Variants in ATRNL1 observed in about 807,000 individuals in gnomAD.
ATRNL1 encodes the protein attractin like 1.
A neutral mutation model predicts 182.7 loss-of-function variants in ATRNL1; 95 were observed. The observed-to-expected ratio is 0.52, with a 90% CI of 0.44 to 0.62. The LOEUF (loss-of-function observed/expected upper bound fraction) is 0.62. Ranked by LOEUF, ATRNL1 falls within the 20% of genes least tolerant of loss-of-function variation. ATRNL1 has a pLI of 0.00. For missense variants in ATRNL1, 1,471 were observed against 1,679.5 expected, an observed-to-expected ratio of 0.88 and a Z score of 2.17; for synonymous variants, 576 against 568.3, an observed-to-expected ratio of 1.01 and a Z score of -0.19.
chr10:115,621,276 T>TAGAGAGAG lies in ATRNL1; in HGVS notation c.3795+71771_3795+71778dup, dbSNP rs1157745862. Among the ~76,000 whole-genome samples the TAGAGAGAG allele has an allele frequency of 3.8e-3, 181 of 47,522 alleles. 3 individuals carry two copies. The highest frequency in any genetic ancestry group is 0.01 in the South Asian group (10 of 960). 31.2% of individuals were successfully genotyped at this position (47,522 alleles called of 152,430 possible). A position where few individuals can be genotyped will look rare whatever the true frequency, so the allele number is the denominator to read the frequency against. ...CTGAATATATATATATATATATATA[T>TAGAGAGAG]AGAGAGAGAGAGAGAGAGAGAGAGA... On this transcript the variant is annotated intron_variant, in intron 26 of 28. Coordinates refer to ENST00000355044, the MANE Select transcript of ATRNL1 (RefSeq NM_207303.4).
chr10:115,465,619 AGG>A (rs1435391172), intron 22 of ATRNL1, among the ~76,000 whole-genome samples: 1 of 151,426 alleles, frequency 6.6e-6, no homozygotes, highest in Non-Finnish European at 1.5e-5. Flanking sequence ...GAAAATAAGA[AGG>A]AAGTTAACTT....
chr10:115,791,471 C>T lies in ATRNL1; in HGVS notation c.3904-56406C>T, dbSNP rs116705400. Among the ~76,000 whole-genome samples, 1,052 of 152,202 alleles carry T rather than the reference C, an allele frequency of 6.9e-3. 7 individuals carry two copies. The highest frequency in any genetic ancestry group is 0.024 in the African/African-American group (986 of 41,520). On this transcript the variant is annotated intron_variant, in intron 27 of 28. Coordinates refer to ENST00000355044, the MANE Select transcript of ATRNL1 (RefSeq NM_207303.4). ...CTCCCTGGGTGTTCGGAAAGGTAAC[C>T]ACTGTTTCAACTTTTATGATAGTCA...
At chr10:115,577,834 T>C (rs1047885659) in intron 26 of ATRNL1, among the ~76,000 whole-genome samples, 1 of 151,800 alleles carries the variant, frequency 6.6e-6, no homozygotes. Flanking sequence ...GTACCATATA[T>C]TAGAGGCAAA....
chr10:115,273,699 T>C (rs1851974881), intron 13 of ATRNL1, among the ~76,000 whole-genome samples: 2 of 152,204 alleles, frequency 1.3e-5, no homozygotes, highest in Non-Finnish European at 2.9e-5. Context: ...GAACCATCTG[T>C]AAATGAAACC....
At position 115,809,397 on chromosome 10, in the gene ATRNL1, G is replaced by A. The variant is rs1392249455; in HGVS notation, c.3904-38480G>A. Among the ~76,000 whole-genome samples the A allele has an allele frequency of 2.6e-5, 4 of 151,952 alleles. No individual in the cohort carries two copies. The East Asian group carries it at 5.8e-4, about 22-fold the overall frequency. On this transcript the variant is annotated intron_variant, in intron 27 of 28. Transcript: ENST00000355044. ...TGAATGAGATTGGGTTGAATCTATG[G>A]ACCAATATAGGGGGAATTGATATCT...
At chr10:115,887,956 T>C (rs1281929107) in intron 28 of ATRNL1, among the ~76,000 whole-genome samples, 1 of 152,114 alleles carries the variant, frequency 6.6e-6, no homozygotes, top group Non-Finnish European at 1.5e-5. Flanking sequence ...CCACAGTAAG[T>C]TGTGGAAAAG....
chr10:115,396,281 C>T (rs115101297), intron 20 of ATRNL1, among the ~76,000 whole-genome samples: 5 of 151,778 alleles, frequency 3.3e-5, no homozygotes, highest in East Asian at 1.9e-4. Context: ...TTAAAACCAA[C>T]GGAATTAAAT....
In ATRNL1 at chr10:115,907,441, G is replaced by A. The variant is rs534994966; in HGVS notation, c.4019-37217G>A. ...ATCCATCAAGCACTATGAGCAAAAGGCCATGGGCCTTATGAACATGTTTGA... is the reference window on the plus strand; with the variant it reads ...ATCCATCAAGCACTATGAGCAAAAGACCATGGGCCTTATGAACATGTTTGA... On this transcript the variant is annotated intron_variant, in intron 28 of 28. Coordinates refer to ENST00000355044, the MANE Select transcript of ATRNL1 (RefSeq NM_207303.4). 4.6e-5 allele frequency among the ~76,000 whole-genome samples: 7 copies of A among 152,298 alleles called. No individual in the cohort carries two copies. The South Asian group carries it at 1.4e-3, about 32-fold the overall frequency.
intron 27 of ATRNL1, among the ~76,000 whole-genome samples, chr10:115,785,307 G>A (rs1191334151): frequency 1.3e-5 from 2 of 152,206 alleles, no homozygotes; most frequent in African/African-American, 4.8e-5. Flanking sequence ...AGGTTTCAAG[G>A]CTTGGGAATA....
chr10:115,434,874 A>C (rs1444316721), intron 21 of ATRNL1, among the ~76,000 whole-genome samples: 1 of 152,202 alleles, frequency 6.6e-6, no homozygotes, highest in African/African-American at 2.4e-5. Context: ...CCAAACTTGT[A>C]TTAGAATATG....
intron 24 of ATRNL1, among the ~76,000 whole-genome samples, chr10:115,504,095 C>T (rs986046220): frequency 3.3e-5 from 5 of 151,746 alleles, no homozygotes; most frequent in Middle Eastern, 3.4e-3. Flanking sequence ...TTTAATTTAA[C>T]TTTAGATTTT....
rs536033535 is a variant in ATRNL1 at position 115,477,348 on chromosome 10, C to T, written c.3654+8019C>T. 2.6e-5 allele frequency among the ~76,000 whole-genome samples: 4 copies of T among 151,652 alleles called. No homozygotes were observed. In the South Asian group the frequency reaches 8.3e-4, roughly 31 times the overall value. On this transcript the variant is annotated intron_variant, in intron 24 of 28. Coordinates refer to ENST00000355044, the MANE Select transcript of ATRNL1 (RefSeq NM_207303.4). ...AATAAATCATCAGGTTTTCAATAAG[C>T]AGAAAGCTTTCATTCCAACAGTTTT...
At chr10:115,543,647 T>C (rs1349396852) in intron 25 of ATRNL1, among the ~76,000 whole-genome samples, 1 of 152,126 alleles carries the variant, frequency 6.6e-6, no homozygotes, top group African/African-American at 2.4e-5. Context: ...CACCAGAGGG[T>C]ATTTATTTGT....
At chr10:115,340,676 A>G (rs1488167798) in intron 19 of ATRNL1, among the ~76,000 whole-genome samples, 1 of 151,232 alleles carries the variant, frequency 6.6e-6, no homozygotes, top group Non-Finnish European at 1.5e-5. Flanking sequence ...CTTTATTGGG[A>G]AACTTTTTAT....
intron 21 of ATRNL1, among the ~76,000 whole-genome samples, chr10:115,454,167 C>T (rs1306390881): frequency 6.6e-6 from 1 of 151,934 alleles, no homozygotes; most frequent in Non-Finnish European, 1.5e-5. Flanking sequence ...CTATCCCTTC[C>T]CCATTGTGTT....
chr10:115,350,765 C>G (rs1856211751), intron 19 of ATRNL1, among the ~76,000 whole-genome samples: 1 of 151,822 alleles, frequency 6.6e-6, no homozygotes, highest in Non-Finnish European at 1.5e-5. Flanking sequence ...TTTTATGGTT[C>G]AATATGAATT....
At chr10:115,905,884 G>A (rs945418312) in intron 28 of ATRNL1, among the ~76,000 whole-genome samples, 1 of 152,184 alleles carries the variant, frequency 6.6e-6, no homozygotes, top group East Asian at 1.9e-4. Flanking sequence ...CTTAAGAGAA[G>A]TTAATTCCTC....
At chr10:115,500,629 T>A (rs1304738544) in intron 24 of ATRNL1, among the ~76,000 whole-genome samples, 2 of 151,988 alleles carry the variant, frequency 1.3e-5, no homozygotes, top group Non-Finnish European at 2.9e-5. Context: ...TTGCAACCTC[T>A]GCCTCCGGAT....
intron 24 of ATRNL1, among the ~76,000 whole-genome samples, chr10:115,498,943 T>G (rs565179339): frequency 6.6e-6 from 1 of 152,116 alleles, no homozygotes; most frequent in African/African-American, 2.4e-5. Context: ...TGCATTTCCT[T>G]TACAAAATGA....
Sources: allele counts gnomAD v4.1 joint callset (sites outside exome capture counted in the v4.1 genomes callset), GRCh38; gene constraint gnomAD v4.1.1; transcripts MANE v1.5; gene names NCBI Gene and HGNC (gene_info 2026-07-23, HGNC 2026-07-21).